GPM6B: variants seen among roughly 807,000 people sequenced by gnomAD.
GPM6B encodes glycoprotein M6B, also known as neuronal membrane glycoprotein M6-b.
GPM6B carries 4 observed loss-of-function variants against 27.2 expected under a neutral mutation model. The ratio of observed to expected loss-of-function variants is 0.15; its 90% CI spans 0.07 to 0.34. The LOEUF (loss-of-function observed/expected upper bound fraction) is 0.34, where lower values mean the gene tolerates loss of function less well. Ranked by LOEUF, GPM6B falls within the 10% of genes least tolerant of loss-of-function variation. GPM6B has a pLI of 1.00. For missense variants in GPM6B, 183 were observed against 261.9 expected (o/e 0.70, Z 2.08); for synonymous variants, 124 against 103.1 (o/e 1.20, Z -1.23).
At chrX:13,845,932 G>A (rs2049640421) in intron 1 of GPM6B, among the ~76,000 whole-genome samples, 1 of 112,124 alleles carries the variant, frequency 8.9e-6, no homozygotes, top group African/African-American at 3.2e-5. Flanking sequence ...CACGTAGGAG[G>A]TTGTGTCCTA....
intron 1 of GPM6B, among the ~76,000 whole-genome samples, chrX:13,850,649 G>C (rs901905055): frequency 1.8e-5 from 2 of 111,798 alleles, no homozygotes; most frequent in African/African-American, 3.3e-5. Flanking sequence ...ATGTGAGTAT[G>C]GGCAATATAC....
At chrX:13,843,276 CCTTT>C (rs989114490) in intron 1 of GPM6B, among the ~76,000 whole-genome samples, 1 of 111,969 alleles carries the variant, frequency 8.9e-6, no homozygotes, top group Non-Finnish European at 1.9e-5. Context: ...GTTAGTATTT[CCTTT>C]CTTTTTATTG....
chrX:13,897,405 A>C (rs1321949736), intron 1 of GPM6B, among the ~76,000 whole-genome samples: 2 of 112,137 alleles, frequency 1.8e-5, no homozygotes, highest in African/African-American at 6.5e-5. Flanking sequence ...ACTTGACAGA[A>C]AAAAAGCTCT....
intron 1 of GPM6B, among the ~76,000 whole-genome samples, chrX:13,902,626 G>A (rs1218322803): frequency 9.0e-6 from 1 of 111,024 alleles, no homozygotes; most frequent in Non-Finnish European, 1.9e-5. Flanking sequence ...CTGCCCAAGA[G>A]CCAGCTGAAA....
At chrX:13,901,437 TAA>T (rs35083510) in intron 1 of GPM6B, among the ~76,000 whole-genome samples, 6 of 104,328 alleles carry the variant, frequency 5.8e-5, no homozygotes, top group East Asian at 3.1e-4. Flanking sequence ...TTTTTTTTTT[TAA>T]AAAAAAAGGA....
At chrX:13,795,905 C>G (rs755152913) in intron 2 of GPM6B, among the ~76,000 whole-genome samples, 1 of 108,586 alleles carries the variant, frequency 9.2e-6, no homozygotes, top group Non-Finnish European at 1.9e-5. Context: ...GCACATGCTG[C>G]CATGCCTGGC....
intron 1 of GPM6B, among the ~76,000 whole-genome samples, chrX:13,870,957 G>A (rs751295656): frequency 4.5e-5 from 5 of 110,694 alleles, no homozygotes; most frequent in Non-Finnish European, 9.4e-5. Context: ...TGCAGTCTCA[G>A]CTACTTGGGA....
intron 2 of GPM6B, among the ~76,000 whole-genome samples, chrX:13,803,987 G>C (rs1001793639): frequency 8.9e-6 from 1 of 112,081 alleles, no homozygotes; most frequent in African/African-American, 3.2e-5. Context: ...AAGATTTCTA[G>C]ATCTCTTGAG....
upstream of GPM6B, among the ~76,000 whole-genome samples, chrX:13,821,487 C>T (rs958757398): frequency 2.7e-5 from 3 of 112,763 alleles, no homozygotes; most frequent in Non-Finnish European, 5.6e-5. Flanking sequence ...CTATGGACAT[C>T]GTCCTGGTCA....
chrX:13,819,537 TTAGAA>T (rs780120537), upstream of GPM6B, among the ~76,000 whole-genome samples: 1 of 112,180 alleles, frequency 8.9e-6, no homozygotes, highest in African/African-American at 3.2e-5. Flanking sequence ...ACAAAACAGA[TTAGAA>T]TAAACATATG....
intron 1 of GPM6B, among the ~76,000 whole-genome samples, chrX:13,855,477 T>C (rs1022321596): frequency 2.7e-5 from 3 of 112,358 alleles, no homozygotes; most frequent in African/African-American, 9.7e-5. Flanking sequence ...TTACTCTCAC[T>C]GCTATATAGA....
chrX:13,894,532 C>G (rs180785465), intron 1 of GPM6B, among the ~76,000 whole-genome samples: 1 of 111,946 alleles, frequency 8.9e-6, no homozygotes, highest in Non-Finnish European at 1.9e-5. Context: ...GGGTTAGAAA[C>G]GAATATTCCT....
intron 1 of GPM6B, among the ~76,000 whole-genome samples, chrX:13,823,704 G>A (rs1313513159): frequency 2.7e-5 from 3 of 111,209 alleles, no homozygotes; most frequent in African/African-American, 9.8e-5. Flanking sequence ...ATTTTTAGTA[G>A]AGAAGGGTTT....
At chrX:13,845,390 A>G (rs780172759) in intron 1 of GPM6B, among the ~76,000 whole-genome samples, 1 of 111,884 alleles carries the variant, frequency 8.9e-6, no homozygotes, top group Non-Finnish European at 1.9e-5. Flanking sequence ...ATCTCACGTA[A>G]TTTTTGTTCA....
chrX:13,878,256 GTT>G (rs377760826), intron 1 of GPM6B, among the ~76,000 whole-genome samples: 2 of 100,483 alleles, frequency 2.0e-5, no homozygotes, highest in Non-Finnish European at 4.1e-5. Flanking sequence ...AGACAAGAAG[GTT>G]TTTTTTTTTT....
intron 7 of GPM6B, among the ~76,000 whole-genome samples, chrX:13,775,037 T>C (rs1339861294): frequency 8.9e-6 from 1 of 111,878 alleles, no homozygotes; most frequent in Non-Finnish European, 1.9e-5. Flanking sequence ...GTTTTTTTCA[T>C]AGATTCTAAG....
chrX:13,789,949 G>C (rs1444783372), intron 2 of GPM6B, among the ~76,000 whole-genome samples: 1 of 111,454 alleles, frequency 9.0e-6, no homozygotes, highest in Non-Finnish European at 1.9e-5. Flanking sequence ...TGGCTCAAGC[G>C]ATCCTCCCAC....
Position 13,788,282 on chromosome X carries a change from TG to T in GPM6B, c.182-2475del, listed in dbSNP as rs1384868344. 2.7e-5 allele frequency among the ~76,000 whole-genome samples: 3 copies of T among 111,719 alleles called. No homozygotes were observed. The East Asian group carries it at 8.4e-4, about 31-fold the overall frequency. The stretch of plus-strand genomic sequence containing the variant: ...ACAAAACTGAAATAAGATACCTTTC[TG>T]GCTTCAAGATAAATCCAATACTGCA... On this transcript the variant is annotated intron_variant, in intron 2 of 7. Transcript: ENST00000316715.
chrX:13,920,266 C>CAAAAAAAAA (rs144988935), intron 1 of GPM6B, among the ~76,000 whole-genome samples: 1 of 22,323 alleles, frequency 4.5e-5, no homozygotes, highest in Non-Finnish European at 7.5e-5. Flanking sequence ...GACTCTGTCT[C>CAAAAAAAAA]AAAAAAAAAA....
Sources: allele counts gnomAD v4.1 joint callset (sites outside exome capture counted in the v4.1 genomes callset), GRCh38; gene constraint gnomAD v4.1.1; transcripts MANE v1.5; gene names NCBI Gene and HGNC (gene_info 2026-07-23, HGNC 2026-07-21).